NEBL: variants seen among roughly 807,000 people sequenced by gnomAD.
NEBL encodes the protein LIM and SH3 protein 2.
In NEBL, 122 loss-of-function variants were observed where a neutral mutation model predicts 140.2. The ratio of observed to expected loss-of-function variants is 0.87; its 90% CI spans 0.75 to 1.01. The LOEUF (loss-of-function observed/expected upper bound fraction) is 1.01. NEBL is among the 50% of genes least tolerant of loss of function. The probability of loss-of-function intolerance (pLI) is 0.00; values close to 1 mark genes in which losing one functional copy is unlikely to be tolerated. For missense variants in NEBL, 1,365 were observed against 1,231.3 expected (o/e 1.11, Z -1.62); for synonymous variants, 436 against 398.9 (o/e 1.09, Z -1.11).
rs9731385 is a variant in NEBL, at chr10:21,061,768, G to C, written c.165-41567C>G. ...GTGACCTCCTCAGCCTCACAGAGTGGATAAGGACTGAGCCACCTAAATAAT... is the reference window on the plus strand; with the variant it reads ...GTGACCTCCTCAGCCTCACAGAGTGCATAAGGACTGAGCCACCTAAATAAT... On this transcript the variant is annotated intron_variant, in intron 2 of 6. Coordinates refer to the NEBL transcript ENST00000417816. Among the ~76,000 whole-genome samples, 778 of 152,218 alleles carry C rather than the reference G, an allele frequency of 5.1e-3. 8 individuals are homozygous for C. Among genetic ancestry groups the C allele is most frequent in the African/African-American group, 0.018 (743 of 41,536 alleles).
chr10:21,228,160 T>C (rs896142169), intron 3 of NEBL, among the ~76,000 whole-genome samples: 4 of 151,930 alleles, frequency 2.6e-5, no homozygotes, highest in Admixed American at 6.6e-5. Context: ...GTTTGTTTGC[T>C]TATTTGTTTT....
chr10:21,285,355 T>C (rs1414083080), intron 1 of NEBL, among the ~76,000 whole-genome samples: 1 of 152,190 alleles, frequency 6.6e-6, no homozygotes, highest in Non-Finnish European at 1.5e-5. Flanking sequence ...CTGAGATAGA[T>C]GCATATCTGA....
At chr10:21,246,906 G>T (rs181128781) in intron 3 of NEBL, among the ~76,000 whole-genome samples, 1 of 152,120 alleles carries the variant, frequency 6.6e-6, no homozygotes, top group Non-Finnish European at 1.5e-5. Flanking sequence ...CAAATCTCAC[G>T]TCAAATTGTA....
At chr10:20,955,337 T>TA (rs1308197746) in intron 4 of NEBL, among the ~76,000 whole-genome samples, 7 of 152,206 alleles carry the variant, frequency 4.6e-5, no homozygotes, top group Admixed American at 1.3e-4. Flanking sequence ...GTACAAATGA[T>TA]AGTGTTATAG....
intron 22 of NEBL, among the ~76,000 whole-genome samples, chr10:20,814,297 A>G (rs1423061764): frequency 1.3e-5 from 2 of 152,108 alleles, no homozygotes; most frequent in African/African-American, 4.8e-5. Context: ...GTAACTATCT[A>G]TCTAGTCTGT....
At chr10:21,185,487 CTTTTTTT>C (rs10612676) in intron 3 of NEBL, among the ~76,000 whole-genome samples, 6 of 72,048 alleles carry the variant, frequency 8.3e-5, no homozygotes, top group African/African-American at 2.3e-4. Context: ...ATTTTCTTTC[CTTTTTTT>C]TTTTTTTTTT....
At chr10:20,891,130 T>G (rs1266132770) in intron 2 of NEBL, among the ~76,000 whole-genome samples, 3 of 152,204 alleles carry the variant, frequency 2.0e-5, no homozygotes, top group Non-Finnish European at 4.4e-5. Context: ...TGACGGGCAT[T>G]ACTTAACCTG....
In NEBL at chr10:20,868,784, A is replaced by G. The variant is rs1371213727; in HGVS notation, c.583-19T>C. 1 of 1,528,320 alleles carries G rather than the reference A, an allele frequency of 6.5e-7. No individual in the cohort carries two copies. The highest frequency in any genetic ancestry group is 1.1e-5 in the South Asian group (1 of 89,296). The allele number at this position is 1,528,320 out of a possible 1,614,324, so 94.7% of individuals were successfully genotyped here. A position where few individuals can be genotyped will look rare whatever the true frequency, so the allele number is the denominator to read the frequency against. On this transcript the variant is annotated intron_variant, in intron 6 of 27. Coordinates refer to ENST00000377122, the MANE Select transcript of NEBL (RefSeq NM_006393.3). ...ATTCTGCCTAAAATGAATAAATAAG[A>G]CAATGTTAAATATTTCTACCCTCCA...
At chr10:21,028,373 G>A (rs1195854207) in intron 2 of NEBL, among the ~76,000 whole-genome samples, 1 of 151,898 alleles carries the variant, frequency 6.6e-6, no homozygotes, top group Admixed American at 6.6e-5. Context: ...TACACTGTCA[G>A]GAAGAAAGAA....
At position 20,822,623 on chromosome 10, in the gene NEBL, T is replaced by G. The variant is rs146796708; in HGVS notation, c.1962+585A>C. Reference sequence around the variant, plus strand: ...TATATATAAACTAATATAGACTATATAGAGATATACAGACTATCTAATATA... The same window carrying G: ...TATATATAAACTAATATAGACTATAGAGAGATATACAGACTATCTAATATA... On this transcript the variant is annotated intron_variant, in intron 19 of 27. Transcript: ENST00000377122. 7.3e-5 allele frequency among the ~76,000 whole-genome samples: 11 copies of G among 151,068 alleles called. No individual in the cohort carries two copies. The East Asian group carries it at 1.6e-3, about 21-fold the overall frequency.
chr10:21,077,412 G>A (rs1836150624), intron 2 of NEBL, among the ~76,000 whole-genome samples: 1 of 151,966 alleles, frequency 6.6e-6, no homozygotes, highest in African/African-American at 2.4e-5. Flanking sequence ...AGACCATCCT[G>A]GCTAACAACA....
chr10:21,063,832 T>G (rs529342502), intron 2 of NEBL, among the ~76,000 whole-genome samples: 98 of 152,236 alleles, frequency 6.4e-4, no homozygotes, highest in African/African-American at 2.2e-3. Context: ...GTCACGCCAC[T>G]GCACTCCAGC....
chr10:21,092,613 A>C (rs1836974215), intron 2 of NEBL, among the ~76,000 whole-genome samples: 1 of 148,682 alleles, frequency 6.7e-6, no homozygotes, highest in Non-Finnish European at 1.5e-5. Flanking sequence ...AATAATAATA[A>C]TAATAATAAT....
At chr10:21,075,753 A>C (rs1200160650) in intron 2 of NEBL, among the ~76,000 whole-genome samples, 1 of 152,326 alleles carries the variant, frequency 6.6e-6, no homozygotes, top group East Asian at 1.9e-4. Flanking sequence ...CTTGAATTTA[A>C]CTACTCTCAG....
At chr10:21,145,199 T>A (rs1274436256) in intron 2 of NEBL, among the ~76,000 whole-genome samples, 3 of 152,258 alleles carry the variant, frequency 2.0e-5, no homozygotes, top group Non-Finnish European at 4.4e-5. Flanking sequence ...AGTAGGTTGC[T>A]ATTGCCCTTT....
At chr10:20,803,812 A>AAAAAAAAT (rs1554773359) in intron 26 of NEBL, among the ~76,000 whole-genome samples, 19 of 143,566 alleles carry the variant, frequency 1.3e-4, no homozygotes, top group Non-Finnish European at 2.3e-4. Context: ...CTGTACGAAA[A>AAAAAAAAT]ATATATATAT....
intron 2 of NEBL, among the ~76,000 whole-genome samples, chr10:21,144,347 C>T (rs1024320797): frequency 6.6e-6 from 1 of 152,236 alleles, no homozygotes; most frequent in Admixed American, 6.5e-5. Context: ...CCTGGTACTG[C>T]ATTCAACCAT....
chr10:21,092,647 G>A (rs1480897783), intron 2 of NEBL, among the ~76,000 whole-genome samples: 1 of 150,590 alleles, frequency 6.6e-6, no homozygotes, highest in Non-Finnish European at 1.5e-5. Flanking sequence ...CACCAGAGTA[G>A]CACCTGCCAG....
intron 3 of NEBL, among the ~76,000 whole-genome samples, chr10:20,988,846 A>G (rs541160153): frequency 6.6e-5 from 10 of 152,366 alleles, no homozygotes; most frequent in Admixed American, 2.6e-4. Context: ...CAATTCTGCC[A>G]TCAACTTCTT....
Sources: allele counts gnomAD v4.1 joint callset (sites outside exome capture counted in the v4.1 genomes callset), GRCh38; gene constraint gnomAD v4.1.1; transcripts MANE v1.5; gene names NCBI Gene and HGNC (gene_info 2026-07-23, HGNC 2026-07-21).